LRP1B: variants seen among roughly 807,000 people sequenced by gnomAD.
LRP1B encodes the protein low-density lipoprotein receptor-related protein 1B.
A neutral mutation model predicts 556.6 loss-of-function variants in LRP1B; 217 were observed. The ratio of observed to expected loss-of-function variants is 0.39; its 90% CI spans 0.35 to 0.44. The LOEUF (loss-of-function observed/expected upper bound fraction) is 0.44. Ranked by LOEUF, LRP1B falls within the 20% of genes least tolerant of loss-of-function variation. LRP1B has a pLI of 1.00. For synonymous variants in LRP1B, 2,047 were observed against 1,865.8 expected (o/e 1.10, Z -2.50); for missense variants, 5,053 against 5,620.8 (o/e 0.90, Z 3.23).
chr2:141,890,340 A>ATTGTG (rs1490161742), intron 1 of LRP1B, among the ~76,000 whole-genome samples: 8 of 133,644 alleles, frequency 6.0e-5, no homozygotes, highest in Non-Finnish European at 1.3e-4. Context: ...ATATATATAT[A>ATTGTG]TATATATATA....
At chr2:141,085,272 CAGAAG>C (rs1700024473) in intron 7 of LRP1B, among the ~76,000 whole-genome samples, 1 of 152,096 alleles carries the variant, frequency 6.6e-6, no homozygotes, top group African/African-American at 2.4e-5. Flanking sequence ...TGCTAAAGAA[CAGAAG>C]AGTTTTATAA....
At chr2:140,524,833 A>G (rs976903414) in intron 49 of LRP1B, among the ~76,000 whole-genome samples, 7 of 151,822 alleles carry the variant, frequency 4.6e-5, no homozygotes, top group African/African-American at 1.7e-4. Context: ...CTGAAAAACT[A>G]TTAGGTACCA....
At chr2:141,731,888 G>T (rs751938575) in intron 2 of LRP1B, among the ~76,000 whole-genome samples, 1 of 152,076 alleles carries the variant, frequency 6.6e-6, no homozygotes, top group Non-Finnish European at 1.5e-5. Flanking sequence ...TGTAGATGGT[G>T]ACTTTCCTAT....
intron 60 of LRP1B, among the ~76,000 whole-genome samples, chr2:140,473,849 C>G (rs891681066): frequency 6.6e-6 from 1 of 151,820 alleles, no homozygotes; most frequent in African/African-American, 2.4e-5. Flanking sequence ...TTCAACTATG[C>G]AACCCAAGAA....
chr2:141,532,953 T>C (rs1301199896), intron 2 of LRP1B, among the ~76,000 whole-genome samples: 1 of 152,018 alleles, frequency 6.6e-6, no homozygotes, highest in East Asian at 1.9e-4. Flanking sequence ...GCCACTGCAC[T>C]CCAACCTAGG....
At chr2:141,109,869 C>T (rs925138068) in intron 7 of LRP1B, among the ~76,000 whole-genome samples, 3 of 152,074 alleles carry the variant, frequency 2.0e-5, no homozygotes, top group Non-Finnish European at 4.4e-5. Flanking sequence ...GGCCTTCAAT[C>T]AACAGCTGAT....
At chr2:140,954,375 T>G (rs1467876517) in intron 18 of LRP1B, among the ~76,000 whole-genome samples, 1 of 152,150 alleles carries the variant, frequency 6.6e-6, no homozygotes, top group African/African-American at 2.4e-5. Flanking sequence ...TGATGAGATC[T>G]AATCTTTAAA....
At position 141,212,456 on chromosome 2, in the gene LRP1B, T is replaced by G. The variant is rs187322108; in HGVS notation, c.850+16727A>C. ...ACCACGCCCGGATAATTTTTTTTTT[T>G]TTGTATTTTAGTAGGGACAGAGTTT... On this transcript the variant is annotated intron_variant, in intron 6 of 90. Transcript: ENST00000389484. Among the ~76,000 whole-genome samples the G allele has an allele frequency of 4.0e-3, 603 of 151,120 alleles. 3 individuals are homozygous for G. The highest frequency in any genetic ancestry group is 0.014 in the African/African-American group (573 of 41,172).
chr2:140,998,707 C>T (rs921037322), intron 15 of LRP1B, among the ~76,000 whole-genome samples: 4 of 152,030 alleles, frequency 2.6e-5, no homozygotes, highest in African/African-American at 9.7e-5. Context: ...TGGGTACATG[C>T]CTTTGCTGGC....
intron 1 of LRP1B, among the ~76,000 whole-genome samples, chr2:142,037,138 C>T (rs944219809): frequency 1.2e-4 from 18 of 151,530 alleles, no homozygotes; most frequent in African/African-American, 4.1e-4. Context: ...CAAAGACAGA[C>T]AAAAACCCCA....
rs769382637 is a variant in LRP1B, at chr2:140,386,023, A to T, written c.10415-14T>A. The T allele has an allele frequency of 6.6e-7, 1 of 1,513,314 alleles. No homozygotes were observed. Among genetic ancestry groups the T allele is most frequent in the Non-Finnish European group, 9.2e-7 (1 of 1,091,028 alleles). The allele number at this position is 1,513,314 out of a possible 1,614,324, so 93.7% of individuals were successfully genotyped here. On this transcript the variant is annotated splice_polypyrimidine_tract_variant and intron_variant, in intron 66 of 90. Transcript: ENST00000389484. Reference sequence around the variant, plus strand: ...AAGTCTTTTTATCTGTAATGGAAAGAACCAGAGTTTGCATTGTAGATTTCC... The same window carrying T: ...AAGTCTTTTTATCTGTAATGGAAAGTACCAGAGTTTGCATTGTAGATTTCC...
intron 1 of LRP1B, among the ~76,000 whole-genome samples, chr2:141,906,097 A>G (rs1699752920): frequency 6.6e-6 from 1 of 151,406 alleles, no homozygotes; most frequent in Admixed American, 6.6e-5. Flanking sequence ...GGAGGGAGAG[A>G]GGGAATTTAA....
intron 6 of LRP1B, among the ~76,000 whole-genome samples, chr2:141,198,539 G>T (rs910178996): frequency 6.6e-6 from 1 of 152,090 alleles, no homozygotes; most frequent in African/African-American, 2.4e-5. Flanking sequence ...CCTGTCATTT[G>T]GTGGCAGGTC....
chr2:140,378,687 G>C (rs772143387), intron 67 of LRP1B, among the ~76,000 whole-genome samples: 12 of 152,118 alleles, frequency 7.9e-5, no homozygotes, highest in Non-Finnish European at 1.6e-4. Context: ...CCATTGGACT[G>C]TTTATTATTA....
In LRP1B at chr2:140,501,806, C is replaced by T. The variant is rs761639698; in HGVS notation, c.8731G>A (p.Asp2911Asn). ...CCATCGCCACAGTCATCCTTATTGTCGCAAAGACCTCCACTGGGAATGCAC... is the reference window on the plus strand; with the variant it reads ...CCATCGCCACAGTCATCCTTATTGTTGCAAAGACCTCCACTGGGAATGCAC... Reference protein sequence around the residue: ...GRCIPSGGLCDNKDDCGDGSD... With the variant: ...GRCIPSGGLCNNKDDCGDGSD... Residue 2911 changes from aspartate (D) to asparagine (N), a missense_variant, in exon 55 of 91, where the codon GAC (aspartate) becomes AAC (asparagine). By Grantham distance (23) the Asp-to-Asn change is conservative. This residue lies in a region of LRP1B where 3,619 missense variants were observed against 3,931.9 expected (regional missense o/e 0.92). Transcript: ENST00000389484. 40 of 1,612,342 alleles carry T rather than the reference C, an allele frequency of 2.5e-5. No individual in the cohort carries two copies. Among genetic ancestry groups the T allele is most frequent in the African/African-American group, 1.1e-4 (8 of 74,780 alleles).
chr2:140,404,986 G>T (rs1168431690), intron 66 of LRP1B, among the ~76,000 whole-genome samples: 2 of 152,154 alleles, frequency 1.3e-5, no homozygotes, highest in Non-Finnish European at 2.9e-5. Flanking sequence ...TGCAAAACAA[G>T]TCTCAATGAA....
intron 2 of LRP1B, among the ~76,000 whole-genome samples, chr2:141,486,738 T>G (rs772136106): frequency 6.6e-6 from 1 of 152,126 alleles, no homozygotes; most frequent in Non-Finnish European, 1.5e-5. Context: ...TTTTCTGAAC[T>G]TATGCCCAAG....
chr2:141,581,978 A>T (rs1686970598), intron 2 of LRP1B, among the ~76,000 whole-genome samples: 1 of 152,250 alleles, frequency 6.6e-6, no homozygotes, highest in Non-Finnish European at 1.5e-5. Flanking sequence ...AAATACATAT[A>T]AAATTAATTG....
At chr2:140,526,423 T>C (rs1229249152) in intron 47 of LRP1B, 73 bp from the exon 48 acceptor site, 18 of 977,374 alleles carry the variant, frequency 1.8e-5, no homozygotes, top group African/African-American at 1.8e-4. Flanking sequence ...TTTGAATATT[T>C]CAATTATTTT....
Sources: allele counts gnomAD v4.1 joint callset (sites outside exome capture counted in the v4.1 genomes callset), GRCh38; gene constraint gnomAD v4.1.1; regional missense constraint gnomAD v4.1.1; transcripts MANE v1.5; gene names NCBI Gene and HGNC (gene_info 2026-07-23, HGNC 2026-07-21).